LY86: variants seen among roughly 807,000 people sequenced by gnomAD.
LY86 encodes the protein MD-1, RP105-associated.
Under a neutral mutation model 17.3 loss-of-function variants are expected in LY86, and 20 were observed. The ratio of observed to expected loss-of-function variants is 1.15; its 90% CI spans 0.81 to 1.68. The LOEUF (loss-of-function observed/expected upper bound fraction) is 1.68, where lower values mean the gene tolerates loss of function less well. Among genes scored for constraint, LY86 ranks in the 40% most tolerant of loss-of-function variants. The pLI is 0.00. For synonymous variants in LY86, 74 were observed against 70.6 expected (o/e 1.05, Z -0.24); for missense variants, 200 against 191.9 (o/e 1.04, Z -0.25).
intron 3 of LY86, 137 bp from the exon 4 acceptor site, chr6:6,649,484 GAAAT>G: frequency 1.7e-6 from 1 of 593,158 alleles, no homozygotes; most frequent in African/African-American, 1.9e-5. Context: ...TGTAGATCAG[GAAAT>G]GAAAACATTT....
chr6:6,653,903 G>A (rs1762222710), intron 4 of LY86, among the ~76,000 whole-genome samples: 1 of 152,140 alleles, frequency 6.6e-6, no homozygotes, highest in South Asian at 2.1e-4. Context: ...CTCTCACCTG[G>A]ATTCCTGCAA....
intron 3 of LY86, among the ~76,000 whole-genome samples, chr6:6,631,800 A>G (rs144932008): frequency 1.3e-5 from 2 of 152,364 alleles, no homozygotes; most frequent in Non-Finnish European, 2.9e-5. Context: ...AAATGAGTGG[A>G]CATGGCTGTG....
rs751362222 is a variant in LY86, at chr6:6,626,242, T to C, written c.224-51T>C. Reference sequence around the variant, plus strand: ...TGCTGTATACTGTGAATGCCTCTGATACACAGTGAAACACGCAGTAAGAGT... The same window carrying C: ...TGCTGTATACTGTGAATGCCTCTGACACACAGTGAAACACGCAGTAAGAGT... On this transcript the variant is annotated intron_variant, in intron 2 of 4. Transcript: ENST00000230568. 3.1e-6 allele frequency: 5 copies of C among 1,599,014 alleles called. No individual in the cohort carries two copies. In the South Asian group the frequency reaches 4.5e-5, roughly 14 times the overall value.
In LY86 at chr6:6,612,702, G is replaced by A. The variant is rs545907754; in HGVS notation, c.137-12224G>A. ...CGTTTTGACAGGGTGCTGATTGGTC[G>A]CGTTTACAATCCCTGAGCTAGATGC... On this transcript the variant is annotated intron_variant, in intron 1 of 4. Transcript: ENST00000230568. Among the ~76,000 whole-genome samples the A allele has an allele frequency of 8.5e-5, 13 of 152,178 alleles. No individual in the cohort carries two copies. In the South Asian group the frequency reaches 1.5e-3, roughly 17 times the overall value.
At chr6:6,614,064 G>A (rs1467290538) in intron 1 of LY86, among the ~76,000 whole-genome samples, 1 of 152,120 alleles carries the variant, frequency 6.6e-6, no homozygotes, top group African/African-American at 2.4e-5. Flanking sequence ...ATTGGTTCCC[G>A]TGTTCAGGAA....
At chr6:6,604,941 C>T (rs1025065558) in intron 1 of LY86, among the ~76,000 whole-genome samples, 6 of 151,462 alleles carry the variant, frequency 4.0e-5, no homozygotes, top group Non-Finnish European at 7.4e-5. Flanking sequence ...AAATAACAAT[C>T]AACGTAGAAC....
At chr6:6,624,136 G>A (rs541334514) in intron 1 of LY86, among the ~76,000 whole-genome samples, 1 of 152,154 alleles carries the variant, frequency 6.6e-6, no homozygotes, top group Admixed American at 6.5e-5. Context: ...GTGGGAATGT[G>A]CTGGTGTGTA....
intron 4 of LY86, among the ~76,000 whole-genome samples, chr6:6,652,884 T>A (rs949871930): frequency 1.3e-5 from 2 of 152,202 alleles, no homozygotes; most frequent in African/African-American, 4.8e-5. Flanking sequence ...AATGTAGTAA[T>A]GAAAAATTCT....
At chr6:6,610,789 T>C (rs910059157) in intron 1 of LY86, among the ~76,000 whole-genome samples, 4 of 152,178 alleles carry the variant, frequency 2.6e-5, no homozygotes, top group African/African-American at 9.7e-5. Context: ...GTAGAAATTC[T>C]ATTCCACAAC....
chr6:6,612,425 AAG>A (rs1240515056), intron 1 of LY86, among the ~76,000 whole-genome samples: 1 of 152,184 alleles, frequency 6.6e-6, no homozygotes, highest in African/African-American at 2.4e-5. Flanking sequence ...GGCCTCATAA[AAG>A]AAACCGCAAA....
At chr6:6,605,999 A>C (rs142687545) in intron 1 of LY86, among the ~76,000 whole-genome samples, 1 of 151,646 alleles carries the variant, frequency 6.6e-6, no homozygotes, top group African/African-American at 2.4e-5. Flanking sequence ...ATTTACTGCG[A>C]AAAGCAAAAG....
At chr6:6,633,365 T>C (rs1466330279) in intron 3 of LY86, among the ~76,000 whole-genome samples, 2 of 152,150 alleles carry the variant, frequency 1.3e-5, no homozygotes, top group Non-Finnish European at 2.9e-5. Flanking sequence ...GAACACATGA[T>C]TTTCTTTCTT....
intron 3 of LY86, among the ~76,000 whole-genome samples, chr6:6,640,820 C>T (rs1762030105): frequency 6.6e-6 from 1 of 151,878 alleles, no homozygotes; most frequent in African/African-American, 2.4e-5. Flanking sequence ...GTGAAGAAAC[C>T]CAGGAAAAAT....
intron 3 of LY86, 116 bp from the exon 4 acceptor site, chr6:6,649,509 C>A (rs1274810479): frequency 5.4e-5 from 34 of 635,016 alleles, no homozygotes; most frequent in South Asian, 9.8e-5. Context: ...CTAGCAATAG[C>A]TGCTCTTATT....
At chr6:6,620,193 T>C (rs113584318) in intron 1 of LY86, among the ~76,000 whole-genome samples, 20 of 152,148 alleles carry the variant, frequency 1.3e-4, no homozygotes, top group African/African-American at 4.8e-4. Context: ...TGAATAAACT[T>C]TGTGGATTGT....
intron 1 of LY86, chr6:6,591,220 G>A (rs1009552859): frequency 2.6e-5 from 4 of 153,786 alleles, no homozygotes; most frequent in Non-Finnish European, 5.9e-5. Context: ...GGCACGTCAG[G>A]GAAAGAACAA....
At chr6:6,627,436 G>A (rs1761812104) in intron 3 of LY86, among the ~76,000 whole-genome samples, 1 of 152,170 alleles carries the variant, frequency 6.6e-6, no homozygotes, top group East Asian at 1.9e-4. Context: ...ACTTTGCTGG[G>A]ATCTGTAGAG....
intron 4 of LY86, among the ~76,000 whole-genome samples, chr6:6,652,055 CAAAAAAAAAAAAA>C (rs61606490): frequency 3.4e-5 from 2 of 59,284 alleles, no homozygotes; most frequent in Non-Finnish European, 6.2e-5. Flanking sequence ...GACTCCATCT[CAAAAAAAAAAAAA>C]AAAAAAAAAA....
intron 1 of LY86, among the ~76,000 whole-genome samples, chr6:6,618,092 C>T (rs1019936968): frequency 1.3e-5 from 2 of 152,212 alleles, no homozygotes; most frequent in African/African-American, 4.8e-5. Flanking sequence ...CCATCTGCCT[C>T]GGCCTCCCAA....
Sources: gnomAD v4.1 joint callset for allele counts (sites outside exome capture counted in the v4.1 genomes callset) on GRCh38, gnomAD v4.1.1 for gene constraint, MANE v1.5 for transcripts, NCBI Gene and HGNC (gene_info 2026-07-23, HGNC 2026-07-21) for gene names.